Variants in AASDH observed in about 807,000 individuals in gnomAD.
AASDH encodes aminoadipate-semialdehyde dehydrogenase.
A neutral mutation model predicts 102.3 loss-of-function variants in AASDH; 81 were observed. The ratio of observed to expected loss-of-function variants is 0.79; its 90% CI spans 0.66 to 0.95. The LOEUF is 0.95. AASDH is among the 40% of genes least tolerant of loss of function. AASDH has a pLI of 0.00. For synonymous variants in AASDH, 398 were observed against 454.0 expected (o/e 0.88, Z 1.57); for missense variants, 1,203 against 1,266.2 (o/e 0.95, Z 0.76).
chr4:56,353,901 T>C, intron 8 of AASDH, 138 bp downstream of exon 8: 1 of 768,170 alleles, frequency 1.3e-6, no homozygotes, highest in Non-Finnish European at 2.0e-6. Flanking sequence ...CCTGAATTAT[T>C]CATACCCTTT....
Position 56,355,337 on chromosome 4 carries a change from G to A in AASDH, c.948C>T (p.Ala316=). Residue 316 remains alanine (A), a synonymous_variant, in exon 6 of 15, where the codon GCC becomes GCT. Coordinates refer to ENST00000205214, the MANE Select transcript of AASDH (RefSeq NM_181806.4). ...ATGATGGAAACGCTTCACCACCAAGGGCTAATACTCGAAGAGAAGTAGTGG... is the reference window on the plus strand; with the variant it reads ...ATGATGGAAACGCTTCACCACCAAGAGCTAATACTCGAAGAGAAGTAGTGG... The part of the protein sequence containing the change: ...LSATTSLRVL[A]LGGEAFPSLT... The A allele has an allele frequency of 6.2e-7, 1 of 1,614,060 alleles. No individual in the cohort carries two copies. The highest frequency in any genetic ancestry group is 8.5e-7 in the Non-Finnish European group (1 of 1,180,002).
At chr4:56,367,262 G>A (rs1751126633) in intron 5 of AASDH, among the ~76,000 whole-genome samples, 3 of 151,578 alleles carry the variant, frequency 2.0e-5, no homozygotes, top group African/African-American at 7.3e-5. Flanking sequence ...TGGGTAGGAA[G>A]AATCAATATC....
intron 5 of AASDH, among the ~76,000 whole-genome samples, chr4:56,358,045 T>C (rs1301934376): frequency 6.6e-6 from 1 of 152,168 alleles, no homozygotes; most frequent in Admixed American, 6.5e-5. Context: ...TGTACAAATC[T>C]TGCTCTTTAG....
chr4:56,341,079 T>C (rs1014716080), intron 14 of AASDH, among the ~76,000 whole-genome samples: 1 of 152,130 alleles, frequency 6.6e-6, no homozygotes, highest in African/African-American at 2.4e-5. Context: ...ATTAGGGTAG[T>C]CATTGTGGAA....
In AASDH at chr4:56,362,085, A is replaced by G. The variant is rs1750365256; in HGVS notation, c.862-6662T>C. The stretch of plus-strand genomic sequence containing the variant: ...TAGGTTTGTGATAAACCAAAAATCA[A>G]TCCTTTATTTCCCAAGAAACTCCTT... On this transcript the variant is annotated intron_variant, in intron 5 of 14. Transcript: ENST00000205214. Among the ~76,000 whole-genome samples the G allele has an allele frequency of 2.0e-5, 3 of 152,236 alleles. No individual in the cohort carries two copies. The South Asian group carries it at 6.2e-4, about 32-fold the overall frequency.
At chr4:56,371,352 T>C in intron 5 of AASDH, 99 bp downstream of exon 5, 1 of 1,238,146 alleles carries the variant, frequency 8.1e-7, no homozygotes, top group Non-Finnish European at 1.1e-6. Flanking sequence ...CAGATTATAT[T>C]AATCCATTGT....
In AASDH at chr4:56,386,211, A is replaced by G. The variant is rs192714105; in HGVS notation, c.-43+1151T>C. ...CAAGATACAATTTTAAGCTTTCCTC[A>G]GACATACAATGATCATTATGTAAAT... On this transcript the variant is annotated intron_variant, in intron 1 of 14. Coordinates refer to ENST00000205214, the MANE Select transcript of AASDH (RefSeq NM_181806.4). 1.2e-4 allele frequency among the ~76,000 whole-genome samples: 19 copies of G among 152,308 alleles called. 1 individual carries two copies. The South Asian group carries it at 3.7e-3, about 30-fold the overall frequency.
At position 56,384,498 on chromosome 4, in the gene AASDH, C is replaced by A. The variant is rs867020290; in HGVS notation, c.-42-157G>T. Reference sequence around the variant, plus strand: ...AACTTATGAAATTATGGTAACTTTACTGAGGACAATGAGGTTGAAAATTAA... The same window carrying A: ...AACTTATGAAATTATGGTAACTTTAATGAGGACAATGAGGTTGAAAATTAA... On this transcript the variant is annotated intron_variant, in intron 1 of 14. Transcript: ENST00000205214. Among the ~76,000 whole-genome samples the A allele has an allele frequency of 6.6e-5, 10 of 152,088 alleles. No homozygotes were observed. In the South Asian group the frequency reaches 1.0e-3, roughly 16 times the overall value.
rs916959385 is a variant in AASDH, at chr4:56,355,263, A to C, written c.1022T>G (p.Phe341Cys). 1 of 1,613,952 alleles carries C rather than the reference A, an allele frequency of 6.2e-7. No homozygotes were observed. The highest frequency in any genetic ancestry group is 8.5e-7 in the Non-Finnish European group (1 of 1,180,010). ...TACCTCTGTGATACCATAAACATTA[A>C]ATATTTGTGTTTTATTGCCTTCTCC... ...WRGEGNKTQI[F>C]NVYGITEVSS... Residue 341 changes from phenylalanine (F) to cysteine (C), a missense_variant, in exon 6 of 15, where the codon TTT (phenylalanine) becomes TGT (cysteine). Coordinates refer to ENST00000205214, the MANE Select transcript of AASDH (RefSeq NM_181806.4).
chr4:56,375,961 C>A (rs1175505253), intron 4 of AASDH, among the ~76,000 whole-genome samples: 1 of 150,754 alleles, frequency 6.6e-6, no homozygotes, highest in African/African-American at 2.4e-5. Flanking sequence ...ACTACTAATT[C>A]ATTATTTAAA....
At chr4:56,368,029 A>G (rs1385812133) in intron 5 of AASDH, among the ~76,000 whole-genome samples, 1 of 152,230 alleles carries the variant, frequency 6.6e-6, no homozygotes, top group South Asian at 2.1e-4. Flanking sequence ...CAAGAAAAAA[A>G]CAAAAAACCC....
intron 5 of AASDH, among the ~76,000 whole-genome samples, chr4:56,366,082 C>G (rs993638007): frequency 6.6e-6 from 1 of 152,178 alleles, no homozygotes; most frequent in Non-Finnish European, 1.5e-5. Context: ...TCACAGAATA[C>G]TATAAACACC....
At chr4:56,348,241 C>T (rs7692385) in intron 11 of AASDH, among the ~76,000 whole-genome samples, 99,195 of 151,122 alleles carry the variant, frequency 0.66, 32,657 homozygotes, top group Admixed American at 0.73. Flanking sequence ...TGAATGTGGC[C>T]TGAACTGAGT....
chr4:56,359,346 G>A (rs537719601), intron 5 of AASDH, among the ~76,000 whole-genome samples: 6 of 151,842 alleles, frequency 4.0e-5, no homozygotes, highest in South Asian at 2.1e-4. Flanking sequence ...CCTGCCTCCC[G>A]CCTCCCGAGT....
At chr4:56,362,994 C>T (rs542533459) in intron 5 of AASDH, among the ~76,000 whole-genome samples, 4 of 152,324 alleles carry the variant, frequency 2.6e-5, no homozygotes, top group African/African-American at 7.2e-5. Flanking sequence ...GGGTGACAGA[C>T]GGCACCTGGA....
Position 56,341,389 on chromosome 4 carries a change from C to CTTTTTTTTTTTTTTTTT in AASDH, c.2907+1429_2907+1445dup, listed in dbSNP as rs575687659. On this transcript the variant is annotated intron_variant, in intron 14 of 14. Coordinates refer to ENST00000205214, the MANE Select transcript of AASDH (RefSeq NM_181806.4). The stretch of plus-strand genomic sequence containing the variant: ...CATGGATGGAACTGGAGACTTTTAT[C>CTTTTTTTTTTTTTTTTT]TTTTTTTTTTTTTTTTTTTTTGGAG... Among the ~76,000 whole-genome samples, 107 of 92,398 alleles carry CTTTTTTTTTTTTTTTTT rather than the reference C, an allele frequency of 1.2e-3. 6 individuals carry two copies. Among genetic ancestry groups the CTTTTTTTTTTTTTTTTT allele is most frequent in the African/African-American group, 1.9e-3 (43 of 23,154 alleles). 60.6% of individuals were successfully genotyped at this position (92,398 alleles called of 152,430 possible).
chr4:56,358,022 T>A (rs1320710518), intron 5 of AASDH, among the ~76,000 whole-genome samples: 1 of 152,142 alleles, frequency 6.6e-6, no homozygotes, highest in Non-Finnish European at 1.5e-5. Flanking sequence ...CAACAATGCT[T>A]TATAGTTTTC....
In AASDH at chr4:56,370,664, T is replaced by C. The variant is rs368285565; in HGVS notation, c.861+787A>G. ...CTTGGACTTCCCACCTCCAGAACTA[T>C]AAGAAATAAATGTCTGTTGTTTATA... On this transcript the variant is annotated intron_variant, in intron 5 of 14. Coordinates refer to ENST00000205214, the MANE Select transcript of AASDH (RefSeq NM_181806.4). Among the ~76,000 whole-genome samples the C allele has an allele frequency of 6.6e-5, 10 of 152,304 alleles. No homozygotes were observed. In the East Asian group the frequency reaches 1.4e-3, roughly 21 times the overall value.
intron 1 of AASDH, among the ~76,000 whole-genome samples, chr4:56,384,947 A>C (rs1753383292): frequency 6.6e-6 from 1 of 152,058 alleles, no homozygotes; most frequent in Non-Finnish European, 1.5e-5. Flanking sequence ...GGTGGCATAC[A>C]CCTGTAATCC....
Sources: gnomAD v4.1 joint callset for allele counts (sites outside exome capture counted in the v4.1 genomes callset) on GRCh38, gnomAD v4.1.1 for gene constraint, MANE v1.5 for transcripts, NCBI Gene and HGNC (gene_info 2026-07-23, HGNC 2026-07-21) for gene names.